The following ZFP37 variants were observed in gnomAD, a reference collection of about 807,000 sequenced individuals.
ZFP37 encodes the protein zinc finger protein 37 homolog.
In ZFP37, 38 loss-of-function variants were observed where a neutral mutation model predicts 52.1. The observed-to-expected ratio is 0.73, with a 90% CI of 0.56 to 0.96. The LOEUF (loss-of-function observed/expected upper bound fraction) is 0.96, where lower values mean the gene tolerates loss of function less well. ZFP37 is among the 40% of genes least tolerant of loss of function. The pLI is 0.00. For missense variants in ZFP37, 695 were observed against 741.4 expected, an observed-to-expected ratio of 0.94 and a Z score of 0.73; for synonymous variants, 253 against 259.5, an observed-to-expected ratio of 0.98 and a Z score of 0.24.
Position 113,044,268 on chromosome 9 carries a change from T to C in ZFP37, c.350A>G (p.Lys117Arg), listed in dbSNP as rs758652504. 6.4e-7 allele frequency: 1 copy of C among 1,550,466 alleles called. No individual in the cohort carries two copies. The highest frequency in any genetic ancestry group is 8.6e-7 in the Non-Finnish European group (1 of 1,157,422). Reference protein sequence around the residue: ...ARPKQKETDGKVQKDDDQLEN... With the variant: ...ARPKQKETDGRVQKDDDQLEN... The stretch of plus-strand genomic sequence containing the variant: ...AAGCTGGTCATCATCTTTCTGGACT[T>C]CTAAAATGGAATTCAGTGAGATATT... Residue 117 changes from lysine to arginine, a missense_variant and splice_region_variant, in exon 4 of 4, where the codon AAA becomes AGA. Physicochemically the swap from Lys to Arg is conservative, Grantham distance 26. Transcript: ENST00000374227.
chr9:113,056,540 C>A lies in ZFP37; in HGVS notation c.132+17G>T. ...ATCTCTGACCGCCAAAACACCCTGTCTCATCACAGCTCTCACCGCGGCGCT... is the reference window on the plus strand; with the variant it reads ...ATCTCTGACCGCCAAAACACCCTGTATCATCACAGCTCTCACCGCGGCGCT... On this transcript the variant is annotated intron_variant, in intron 1 of 3. Coordinates refer to ENST00000374227, the MANE Select transcript of ZFP37 (RefSeq NM_003408.3). The A allele has an allele frequency of 6.2e-7, 1 of 1,612,290 alleles. No homozygotes were observed. The highest frequency in any genetic ancestry group is 8.5e-7 in the Non-Finnish European group (1 of 1,179,304).
intron 3 of ZFP37, among the ~76,000 whole-genome samples, chr9:113,046,019 C>T (rs915962513): frequency 6.6e-6 from 1 of 151,718 alleles, no homozygotes; most frequent in South Asian, 2.1e-4. Context: ...GGACTCAAAC[C>T]AAAAAGAGTT....
At chr9:113,050,624 G>C (rs1016641684) in intron 1 of ZFP37, among the ~76,000 whole-genome samples, 2 of 152,052 alleles carry the variant, frequency 1.3e-5, no homozygotes, top group Admixed American at 6.5e-5. Flanking sequence ...AATCATTTAT[G>C]GGCCAGGTGC....
intron 1 of ZFP37, among the ~76,000 whole-genome samples, chr9:113,053,144 A>T (rs1167889809): frequency 6.6e-6 from 1 of 152,160 alleles, no homozygotes; most frequent in Admixed American, 6.6e-5. Context: ...TCTCTAAGAC[A>T]TTCCGCCCTC....
intron 3 of ZFP37, among the ~76,000 whole-genome samples, chr9:113,048,771 A>G (rs1829002623): frequency 1.3e-5 from 2 of 152,172 alleles, no homozygotes; most frequent in South Asian, 4.1e-4. Context: ...TGGAAGGATT[A>G]TACGTTCCTA....
chr9:113,039,637 C>T lies in ZFP37; in HGVS notation c.*3088G>A, dbSNP rs967319346. 3.3e-5 allele frequency: 5 copies of T among 152,082 alleles called. No individual in the cohort carries two copies. The highest frequency in any genetic ancestry group is 1.2e-4 in the African/African-American group (5 of 41,392). The allele number at this position is 152,082 out of a possible 1,614,324, so 9.4% of individuals were successfully genotyped here. ...GTAGTTGTTTATTTATTACCTATGT[C>T]CTCCTCTAGAATTAAGGTCTATGAG... On this transcript the variant is annotated 3_prime_UTR_variant, in exon 4 of 4. Transcript: ENST00000374227.
chr9:113,044,047 G>A lies in ZFP37; in HGVS notation c.571C>T (p.Pro191Ser). 1.2e-6 allele frequency: 2 copies of A among 1,611,828 alleles called. No homozygotes were observed. Among genetic ancestry groups the A allele is most frequent in the Non-Finnish European group, 1.7e-6 (2 of 1,179,470 alleles). ...TTTACACAGTTTCTTGAGTGATCAGGTAAATCTAAATTCTGTTTCAAAATT... is the reference window on the plus strand; with the variant it reads ...TTTACACAGTTTCTTGAGTGATCAGATAAATCTAAATTCTGTTTCAAAATT... ...GKILKQNLDL[P>S]DHSRNCVKRK... The change falls in exon 4 of 4, where the codon CCT (proline) becomes TCT (serine). Residue 191 changes from proline (P) to serine (S), a missense_variant. Physicochemically the swap from Pro to Ser is moderately conservative, Grantham distance 74. This residue lies in a region of ZFP37 where 369 missense variants were observed against 340.9 expected (regional missense o/e 1.08). Coordinates refer to ENST00000374227, the MANE Select transcript of ZFP37 (RefSeq NM_003408.3).
chr9:113,038,399 T>G lies in ZFP37; in HGVS notation c.*4326A>C, dbSNP rs1381410817. ...ATATAGTTTTGTAAACTGTTTTTTA[T>G]TTAGTATTTTAGATGCTACAGGTTG... On this transcript the variant is annotated 3_prime_UTR_variant, in exon 4 of 4. Transcript: ENST00000374227. 2 of 152,130 alleles carry G rather than the reference T, an allele frequency of 1.3e-5. No homozygotes were observed. The highest frequency in any genetic ancestry group is 4.8e-5 in the African/African-American group (2 of 41,432). 9.4% of individuals were successfully genotyped at this position (152,130 alleles called of 1,614,324 possible). A position where few individuals can be genotyped will look rare whatever the true frequency, so the allele number is the denominator to read the frequency against.
chr9:113,054,208 T>C (rs1325202210), intron 1 of ZFP37, among the ~76,000 whole-genome samples: 1 of 152,216 alleles, frequency 6.6e-6, no homozygotes, highest in Non-Finnish European at 1.5e-5. Flanking sequence ...CAAAAGCATA[T>C]ATGACAATTG....
intron 1 of ZFP37, among the ~76,000 whole-genome samples, chr9:113,055,288 C>A (rs938575555): frequency 2.0e-5 from 3 of 152,224 alleles, no homozygotes; most frequent in Admixed American, 6.5e-5. Flanking sequence ...CCATGACTAA[C>A]CTGGCTAAAG....
chr9:113,053,126 T>C (rs1404287811), intron 1 of ZFP37, among the ~76,000 whole-genome samples: 1 of 152,166 alleles, frequency 6.6e-6, no homozygotes, highest in Admixed American at 6.6e-5. Flanking sequence ...CTGTACCACC[T>C]GCAAAAATCT....
intron 1 of ZFP37, among the ~76,000 whole-genome samples, chr9:113,050,468 C>CAAAAAAAAAAAA (rs34498194): frequency 1.6e-5 from 2 of 121,634 alleles, no homozygotes; most frequent in Non-Finnish European, 3.5e-5. Context: ...GACAAATAGC[C>CAAAAAAAAAAAA]AAAAAAAAAA....
In ZFP37 at chr9:113,043,584, C is replaced by T. The variant is rs768318480; in HGVS notation, c.1034G>A (p.Gly345Glu). 6.2e-7 allele frequency: 1 copy of T among 1,613,986 alleles called. No homozygotes were observed. ...HLVVHQRTHT[G>E]EKPYECIQCG... ...CTGAATACATTCATATGGTTTTTCT[C>T]CGGTGTGAGTTCTCTGATGTACAAC... The change falls in exon 4 of 4, where the codon GGA becomes GAA. Residue 345 changes from glycine to glutamate, a missense_variant. Transcript: ENST00000374227.
At chr9:113,044,301 A>T in intron 3 of ZFP37, 33 bp from the exon 4 acceptor site, 2 of 1,509,936 alleles carry the variant, frequency 1.3e-6, no homozygotes, top group Non-Finnish European at 1.8e-6. Context: ...ATTCTTGTGA[A>T]TCTTTGTACT....
Position 113,052,745 on chromosome 9 carries a change from G to T in ZFP37, c.133-2873C>A, listed in dbSNP as rs1829078344. On this transcript the variant is annotated intron_variant, in intron 1 of 3. Coordinates refer to ENST00000374227, the MANE Select transcript of ZFP37 (RefSeq NM_003408.3). This position sits in a 1 kb window ranked among gnomAD's most constrained non-coding sequence, Gnocchi z 4.1. ...AATTCCAGACTCCCAGAAGAAAGCAGGTGTTCAGCATAAACCACACTGTGT... is the reference window on the plus strand; with the variant it reads ...AATTCCAGACTCCCAGAAGAAAGCATGTGTTCAGCATAAACCACACTGTGT... 6.6e-6 allele frequency among the ~76,000 whole-genome samples: 1 copy of T among 152,162 alleles called. No homozygotes were observed. Among genetic ancestry groups the T allele is most frequent in the African/African-American group, 2.4e-5 (1 of 41,434 alleles).
rs534028078 is a variant in ZFP37, at chr9:113,044,358, T to G, written c.350-90A>C. The G allele has an allele frequency of 3.3e-6, 4 of 1,215,536 alleles. No homozygotes were observed. The South Asian group carries it at 6.8e-5, about 21-fold the overall frequency. The allele number at this position is 1,215,536 out of a possible 1,614,324, so 75.3% of individuals were successfully genotyped here. A position where few individuals can be genotyped will look rare whatever the true frequency, so the allele number is the denominator to read the frequency against. On this transcript the variant is annotated intron_variant, in intron 3 of 3. Coordinates refer to ENST00000374227, the MANE Select transcript of ZFP37 (RefSeq NM_003408.3). The stretch of plus-strand genomic sequence containing the variant: ...GGTAAAGAAATGACCTGTTGTAGGG[T>G]TAAATTTTTATTCAAGCCTGGTATA...
rs1008131393 is a variant in ZFP37, at chr9:113,049,467, A to G, written c.244T>C (p.Ser82Pro). The G allele has an allele frequency of 1.2e-6, 2 of 1,613,802 alleles. No homozygotes were observed. Among genetic ancestry groups the G allele is most frequent in the Non-Finnish European group, 1.7e-6 (2 of 1,179,836 alleles). ...GCQAPKPDMISKLEKGEAPWL... is the reference protein window; with the variant it reads ...GCQAPKPDMIPKLEKGEAPWL... Reference sequence around the variant, plus strand: ...GGTGCTTCTCCTTTTTCCAACTTGGAGATCATGTCTGGTTTGGGAGCTTGA... The same window carrying G: ...GGTGCTTCTCCTTTTTCCAACTTGGGGATCATGTCTGGTTTGGGAGCTTGA... Residue 82 changes from serine to proline, a missense_variant, in exon 3 of 4, where the codon TCC (serine) becomes CCC (proline). Transcript: ENST00000374227.
In ZFP37 at chr9:113,043,249, C is replaced by T; in HGVS notation, c.1369G>A (p.Gly457Ser). 6.2e-7 allele frequency: 1 copy of T among 1,613,922 alleles called. No individual in the cohort carries two copies. Among genetic ancestry groups the T allele is most frequent in the Non-Finnish European group, 8.5e-7 (1 of 1,179,954 alleles). The change falls in exon 4 of 4, where the codon GGT becomes AGT. Residue 457 changes from glycine to serine, a missense_variant. Gly to Ser is a moderately conservative substitution (Grantham distance 56). This residue lies in a region of ZFP37 where 326 missense variants were observed against 400.5 expected (regional missense o/e 0.81). Transcript: ENST00000374227. Reference sequence around the variant, plus strand: ...TCATTACATTCAAAGGGTTTCTCACCTGTATGAATTCTCATGTGTTTAGTA... The same window carrying T: ...TCATTACATTCAAAGGGTTTCTCACTTGTATGAATTCTCATGTGTTTAGTA... ...SLTKHMRIHT[G>S]EKPFECNECG...
rs746927208 is a variant in ZFP37, at chr9:113,044,187, T to G, written c.431A>C (p.Lys144Thr). ...ACTGCCATTCTTCTTAGCTTGAGTT[T>G]TCTTCTTGACTGCAACTTCCCTGAG... ...KLLREVAVKK[K>T]TQAKKNGSDC... Residue 144 changes from lysine to threonine, a missense_variant, in exon 4 of 4, where the codon AAA becomes ACA. Lys to Thr is a moderately conservative substitution (Grantham distance 78). Coordinates refer to ENST00000374227, the MANE Select transcript of ZFP37 (RefSeq NM_003408.3). 2.3e-5 allele frequency: 37 copies of G among 1,605,782 alleles called. No individual in the cohort carries two copies. In the East Asian group the frequency reaches 8.3e-4, roughly 36 times the overall value.
Sources: gnomAD v4.1 joint callset for allele counts (sites outside exome capture counted in the v4.1 genomes callset) on GRCh38, gnomAD v4.1.1 for gene constraint, gnomAD v4.1.1 regional missense constraint, Gnocchi (gnomAD v3.1) non-coding constraint, MANE v1.5 for transcripts, NCBI Gene and HGNC (gene_info 2026-07-23, HGNC 2026-07-21) for gene names.